The following RHEX variants were observed in gnomAD, a reference collection of about 807,000 sequenced individuals.
The protein encoded by RHEX is regulator of hemoglobinization and erythroid cell expansion protein.
A neutral mutation model predicts 20.1 loss-of-function variants in RHEX; 18 were observed. The ratio of observed to expected loss-of-function variants is 0.90; its 90% CI spans 0.62 to 1.33. The LOEUF (loss-of-function observed/expected upper bound fraction) is 1.33. RHEX is among the 40% of genes most tolerant of loss of function. RHEX has a pLI of 0.00. For synonymous variants in RHEX, 87 were observed against 77.1 expected, an observed-to-expected ratio of 1.13 and a Z score of -0.67; for missense variants, 192 against 214.3, an observed-to-expected ratio of 0.90 and a Z score of 0.65.
chr1:206,101,156 G>T lies in RHEX; in HGVS notation c.277G>T (p.Asp93Tyr), dbSNP rs1553288330. 6.2e-7 allele frequency: 1 copy of T among 1,612,964 alleles called. No individual in the cohort carries two copies. The highest frequency in any genetic ancestry group is 1.7e-5 in the Admixed American group (1 of 59,712). ...CCCAGATGACAGCGACACACCCTCA[G>T]ATAGCTTGGATAGCTCCTGCAGTTC... Reference protein sequence around the residue: ...LYRHDSDTPSDSLDSSCSSPP... With the variant: ...LYRHDSDTPSYSLDSSCSSPP... The change falls in exon 5 of 6, where the codon GAT becomes TAT. Residue 93 changes from aspartate (D) to tyrosine (Y), a missense_variant. Physicochemically the swap from Asp to Tyr is radical, Grantham distance 160. Transcript: ENST00000331555.
At position 206,101,994 on chromosome 1, in the gene RHEX, T is replaced by G. The variant is rs1553288520; in HGVS notation, c.*42T>G. On this transcript the variant is annotated 3_prime_UTR_variant, in exon 6 of 6. Coordinates refer to ENST00000331555, the MANE Select transcript of RHEX (RefSeq NM_001007544.4). Reference sequence around the variant, plus strand: ...ATGGGGTCCAGTTCTCTATGGATTCTTACATTTAATTTGTAGGGAAATGCC... The same window carrying G: ...ATGGGGTCCAGTTCTCTATGGATTCGTACATTTAATTTGTAGGGAAATGCC... The G allele has an allele frequency of 6.8e-7, 1 of 1,463,846 alleles. No homozygotes were observed. The allele number at this position is 1,463,846 out of a possible 1,614,324, so 90.7% of individuals were successfully genotyped here.
At chr1:206,080,513 C>T (rs1229951866) in intron 1 of RHEX, among the ~76,000 whole-genome samples, 3 of 152,196 alleles carry the variant, frequency 2.0e-5, no homozygotes, top group East Asian at 1.9e-4. Context: ...AAATGGGCTA[C>T]GGGGTGGGGT....
intron 1 of RHEX, among the ~76,000 whole-genome samples, chr1:206,096,394 G>A (rs1663069042): frequency 6.6e-6 from 1 of 152,210 alleles, no homozygotes; most frequent in South Asian, 2.1e-4. Flanking sequence ...CTTTAAAAAT[G>A]GAACATTGTT....
At chr1:206,092,983 G>C (rs1662989959) in intron 1 of RHEX, among the ~76,000 whole-genome samples, 1 of 152,198 alleles carries the variant, frequency 6.6e-6, no homozygotes, top group South Asian at 2.1e-4. Context: ...AGCCTTAGGA[G>C]TACTTTGCCA....
rs1553288430 is a variant in RHEX, at chr1:206,101,734, C to T, written c.319-18C>T. ...GTGGTAGGGATCTTGACCCACATGTCTCTGCTTTTCTCCTAAGGCCACAGA... is the reference window on the plus strand; with the variant it reads ...GTGGTAGGGATCTTGACCCACATGTTTCTGCTTTTCTCCTAAGGCCACAGA... On this transcript the variant is annotated intron_variant, in intron 5 of 5. Transcript: ENST00000331555. 2 of 1,598,578 alleles carry T rather than the reference C, an allele frequency of 1.3e-6. No homozygotes were observed. The highest frequency in any genetic ancestry group is 1.3e-5 in the African/African-American group (1 of 74,604).
chr1:206,090,848 TATA>T (rs2102325208), intron 1 of RHEX, among the ~76,000 whole-genome samples: 1 of 152,308 alleles, frequency 6.6e-6, no homozygotes, highest in Admixed American at 6.5e-5. Context: ...CTGTTGCTAA[TATA>T]ATAGTAAGAA....
At chr1:206,088,721 A>T (rs1553286647) in intron 1 of RHEX, among the ~76,000 whole-genome samples, 1 of 152,212 alleles carries the variant, frequency 6.6e-6, no homozygotes, top group Non-Finnish European at 1.5e-5. Flanking sequence ...GGATTTGGGG[A>T]GCTGACACAT....
In RHEX at chr1:206,077,219, C is replaced by A. The variant is rs531434338; in HGVS notation, c.-96-20514C>A. Among the ~76,000 whole-genome samples the A allele has an allele frequency of 2.6e-5, 4 of 151,930 alleles. No individual in the cohort carries two copies. In the East Asian group the frequency reaches 7.7e-4, roughly 29 times the overall value. On this transcript the variant is annotated intron_variant, in intron 1 of 5. Coordinates refer to ENST00000331555, the MANE Select transcript of RHEX (RefSeq NM_001007544.4). Reference sequence around the variant, plus strand: ...ACTGTGTTCAGTGATGATGGTGAGCCGGTGATGACTTGGAAGGATTCCTTA... The same window carrying A: ...ACTGTGTTCAGTGATGATGGTGAGCAGGTGATGACTTGGAAGGATTCCTTA...
intron 1 of RHEX, among the ~76,000 whole-genome samples, chr1:206,071,475 C>G (rs1553284643): frequency 4.7e-5 from 7 of 150,408 alleles, no homozygotes. Context: ...AAATTGACAC[C>G]CAATATTAAC....
intron 1 of RHEX, chr1:206,056,533 A>G (rs901695830): frequency 6.6e-6 from 1 of 152,264 alleles, no homozygotes; most frequent in Non-Finnish European, 1.5e-5. Context: ...TCTAAAAGAA[A>G]CTTGTTTGTA....
At chr1:206,079,312 T>C (rs1370643176) in intron 1 of RHEX, among the ~76,000 whole-genome samples, 2 of 152,200 alleles carry the variant, frequency 1.3e-5, no homozygotes, top group African/African-American at 4.8e-5. Context: ...ATGCTGCTAG[T>C]GGTGTAGTAA....
At chr1:206,064,758 C>G (rs1477175764) in intron 1 of RHEX, among the ~76,000 whole-genome samples, 3 of 151,916 alleles carry the variant, frequency 2.0e-5, no homozygotes, top group African/African-American at 4.8e-5. Context: ...GCCCGGCCAC[C>G]GCCCCGTCTG....
chr1:206,072,301 C>T (rs1365551823), intron 1 of RHEX, among the ~76,000 whole-genome samples: 3 of 152,172 alleles, frequency 2.0e-5, no homozygotes, highest in Non-Finnish European at 2.9e-5. Context: ...ATGGGCCGGG[C>T]GCGGTTGTTC....
chr1:206,101,108 A>C (rs782022204), intron 4 of RHEX, 28 bp from the exon 5 acceptor site: 1 of 1,600,560 alleles, frequency 6.2e-7, no homozygotes, highest in Non-Finnish European at 8.5e-7. Flanking sequence ...CTTGCTTTGG[A>C]AGAGGAACCG....
intron 1 of RHEX, among the ~76,000 whole-genome samples, chr1:206,066,923 CTCAGT>C (rs1452227839): frequency 3.3e-5 from 5 of 152,152 alleles, no homozygotes; most frequent in African/African-American, 1.2e-4. Context: ...TGTGCTTAAT[CTCAGT>C]AAACCAGCCA....
chr1:206,061,348 T>C (rs545004638), intron 1 of RHEX: 1 of 152,324 alleles, frequency 6.6e-6, no homozygotes, highest in East Asian at 1.9e-4. Flanking sequence ...TTTCTAGGAC[T>C]ATTTAAGAAA....
At chr1:206,078,627 C>T (rs1417065084) in intron 1 of RHEX, among the ~76,000 whole-genome samples, 2 of 152,164 alleles carry the variant, frequency 1.3e-5, no homozygotes, top group Non-Finnish European at 2.9e-5. Context: ...TTCTAGGTAA[C>T]AGAGTGCTTC....
At chr1:206,095,306 G>T (rs1553287528) in intron 1 of RHEX, among the ~76,000 whole-genome samples, 1 of 152,128 alleles carries the variant, frequency 6.6e-6, no homozygotes, top group African/African-American at 2.4e-5. Flanking sequence ...GTCAAATGTG[G>T]CCTGTGGATC....
At chr1:206,082,646 A>G (rs1456745556) in intron 1 of RHEX, among the ~76,000 whole-genome samples, 1 of 152,200 alleles carries the variant, frequency 6.6e-6, no homozygotes, top group East Asian at 1.9e-4. Context: ...AAAATATCAG[A>G]TATTTATTAT....
Sources: allele counts gnomAD v4.1 joint callset (sites outside exome capture counted in the v4.1 genomes callset), GRCh38; gene constraint gnomAD v4.1.1; transcripts MANE v1.5; gene names NCBI Gene and HGNC (gene_info 2026-07-23, HGNC 2026-07-21).